The following CNTNAP2 variants were observed in gnomAD, a reference collection of about 807,000 sequenced individuals.
CNTNAP2 encodes contactin-associated protein-like 2.
Under a neutral mutation model 155.2 loss-of-function variants are expected in CNTNAP2, and 98 were observed. That is an observed-to-expected ratio of 0.63 (90% confidence interval 0.54 to 0.75). CNTNAP2 has a LOEUF of 0.75. CNTNAP2 is among the 30% of genes least tolerant of loss of function. CNTNAP2 has a pLI of 0.00. For synonymous variants in CNTNAP2, 651 were observed against 631.2 expected, an observed-to-expected ratio of 1.03 and a Z score of -0.47; for missense variants, 1,727 against 1,688.1, an observed-to-expected ratio of 1.02 and a Z score of -0.40.
At chr7:146,771,335 A>T (rs558912670) in intron 1 of CNTNAP2, among the ~76,000 whole-genome samples, 1 of 152,316 alleles carries the variant, frequency 6.6e-6, no homozygotes, top group East Asian at 1.9e-4. Context: ...AGTGAATGTT[A>T]GCACATTTCT....
chr7:146,712,277 CA>C (rs1242984419), intron 1 of CNTNAP2, among the ~76,000 whole-genome samples: 336 of 15,336 alleles, frequency 0.022, 2 homozygotes, highest in Non-Finnish European at 0.077. Flanking sequence ...CTTATGTATA[CA>C]TATATGTATA....
At chr7:147,699,979 T>A (rs1221327359) in intron 13 of CNTNAP2, among the ~76,000 whole-genome samples, 1 of 152,200 alleles carries the variant, frequency 6.6e-6, no homozygotes, top group Non-Finnish European at 1.5e-5. Flanking sequence ...CATAATGTTT[T>A]TGAGGTTCAT....
chr7:146,324,165 G>A (rs1323546476), intron 1 of CNTNAP2, among the ~76,000 whole-genome samples: 1 of 152,162 alleles, frequency 6.6e-6, no homozygotes, highest in Non-Finnish European at 1.5e-5. Flanking sequence ...GGGAGGCTGA[G>A]GTGGGAGATT....
chr7:148,258,959 C>T (rs1375444270), intron 20 of CNTNAP2, among the ~76,000 whole-genome samples: 5 of 151,584 alleles, frequency 3.3e-5, no homozygotes, highest in East Asian at 3.9e-4. Context: ...AGGCAGATCA[C>T]GAGGTCAGGA....
chr7:146,478,306 A>T (rs1277493493), intron 1 of CNTNAP2, among the ~76,000 whole-genome samples: 1 of 152,134 alleles, frequency 6.6e-6, no homozygotes, highest in Non-Finnish European at 1.5e-5. Flanking sequence ...TAGTGAGAAT[A>T]AAGAAAACGA....
At chr7:147,984,668 G>A (rs890359687) in intron 15 of CNTNAP2, among the ~76,000 whole-genome samples, 4 of 152,020 alleles carry the variant, frequency 2.6e-5, no homozygotes, top group Non-Finnish European at 5.9e-5. Context: ...TCACAAGGCA[G>A]GTTAATAGAA....
At chr7:146,829,179 TGTAA>T (rs1323544772) in intron 2 of CNTNAP2, among the ~76,000 whole-genome samples, 2 of 152,130 alleles carry the variant, frequency 1.3e-5, no homozygotes, top group African/African-American at 4.8e-5. Flanking sequence ...AATGACTTGC[TGTAA>T]GTCTGTTTCT....
intron 13 of CNTNAP2, among the ~76,000 whole-genome samples, chr7:147,698,465 G>A (rs542184560): frequency 6.6e-6 from 1 of 152,206 alleles, no homozygotes; most frequent in South Asian, 2.1e-4. Context: ...GTTACCAACT[G>A]TCTATTAAAT....
intron 17 of CNTNAP2, among the ~76,000 whole-genome samples, chr7:148,148,000 T>C (rs1332736287): frequency 6.6e-6 from 1 of 151,908 alleles, no homozygotes; most frequent in African/African-American, 2.4e-5. Flanking sequence ...AATTTTAGGT[T>C]TATGGTTTTA....
chr7:146,203,236 C>T (rs978937245), intron 1 of CNTNAP2, among the ~76,000 whole-genome samples: 4 of 152,086 alleles, frequency 2.6e-5, no homozygotes, highest in African/African-American at 9.7e-5. Flanking sequence ...GCATCAGATC[C>T]CAGGGTGAGG....
In CNTNAP2 at chr7:148,246,346, T is replaced by C. The variant is rs149802134; in HGVS notation, c.3381+16567T>C. 7.2e-3 allele frequency among the ~76,000 whole-genome samples: 1,094 copies of C among 152,348 alleles called. 18 individuals carry two copies. Among genetic ancestry groups the C allele is most frequent in the Non-Finnish European group, 7.9e-3 (540 of 68,032 alleles). ...TAGAAATGTAACCTTTTCAACCACA[T>C]AAAATGAGTTCATTTTTATTATTAT... On this transcript the variant is annotated intron_variant, in intron 20 of 23. Transcript: ENST00000361727.
At chr7:146,794,117 A>G (rs1038687932) in intron 2 of CNTNAP2, among the ~76,000 whole-genome samples, 2 of 151,994 alleles carry the variant, frequency 1.3e-5, no homozygotes, top group East Asian at 3.9e-4. Flanking sequence ...AGCATTAGAC[A>G]TTTTCTCTCT....
At chr7:146,615,846 G>T (rs1214746281) in intron 1 of CNTNAP2, among the ~76,000 whole-genome samples, 2 of 152,162 alleles carry the variant, frequency 1.3e-5, no homozygotes, top group Non-Finnish European at 2.9e-5. Flanking sequence ...TGCTACGGTG[G>T]TAGTCTGCTC....
chr7:146,285,155 T>C (rs1278438440), intron 1 of CNTNAP2, among the ~76,000 whole-genome samples: 1 of 152,154 alleles, frequency 6.6e-6, no homozygotes, highest in African/African-American at 2.4e-5. Flanking sequence ...AATTTTAAAA[T>C]TGTCCTCCCT....
At chr7:147,318,142 A>G (rs1314783672) in intron 9 of CNTNAP2, among the ~76,000 whole-genome samples, 1 of 152,192 alleles carries the variant, frequency 6.6e-6, no homozygotes, top group Non-Finnish European at 1.5e-5. Flanking sequence ...ATATATTTCC[A>G]TATAAAAATG....
At chr7:146,145,863 C>A (rs986822888) in intron 1 of CNTNAP2, among the ~76,000 whole-genome samples, 3 of 152,180 alleles carry the variant, frequency 2.0e-5, no homozygotes, top group Admixed American at 2.0e-4. Context: ...AGCAGACTTT[C>A]ACCTTCAGAA....
At chr7:148,411,716 T>C (rs1267498247) in intron 23 of CNTNAP2, among the ~76,000 whole-genome samples, 2 of 151,888 alleles carry the variant, frequency 1.3e-5, no homozygotes, top group African/African-American at 4.8e-5. Flanking sequence ...TGTTTATAAA[T>C]GGTGTGAGAG....
intron 1 of CNTNAP2, among the ~76,000 whole-genome samples, chr7:146,491,376 A>G (rs999098876): frequency 9.5e-6 from 1 of 105,002 alleles, no homozygotes; most frequent in African/African-American, 4.5e-5. Flanking sequence ...TCTTTTTAAC[A>G]AAAAAAAAAC....
intron 13 of CNTNAP2, among the ~76,000 whole-genome samples, chr7:147,776,410 T>G (rs193204652): frequency 8.5e-5 from 13 of 152,224 alleles, no homozygotes; most frequent in African/African-American, 3.1e-4. Flanking sequence ...ACAATTTGCC[T>G]AAGTCTTGGC....
Sources: gnomAD v4.1 joint callset for allele counts (sites outside exome capture counted in the v4.1 genomes callset) on GRCh38, gnomAD v4.1.1 for gene constraint, MANE v1.5 for transcripts, NCBI Gene and HGNC (gene_info 2026-07-23, HGNC 2026-07-21) for gene names.